SUPT5H: variants seen among roughly 807,000 people sequenced by gnomAD.
SUPT5H encodes the protein SPT5 homolog, DSIF elongation factor subunit.
SUPT5H carries 24 observed loss-of-function variants against 142.5 expected under a neutral mutation model. That is an observed-to-expected ratio of 0.17 (90% CI 0.12 to 0.24). SUPT5H has a LOEUF of 0.24. Among genes scored for constraint, SUPT5H ranks in the 10% least tolerant of loss-of-function variants. The pLI is 1.00. For missense variants in SUPT5H, 893 were observed against 1,471.8 expected, an observed-to-expected ratio of 0.61 and a Z score of 6.43; for synonymous variants, 546 against 553.0, an observed-to-expected ratio of 0.99 and a Z score of 0.18.
At chr19:39,459,730 A>C in intron 9 of SUPT5H, 141 bp downstream of exon 9, 1 of 1,300,274 alleles carries the variant, frequency 7.7e-7, no homozygotes, top group Non-Finnish European at 1.1e-6. Context: ...ACTCCACGTT[A>C]CTGACTGGCT....
At chr19:39,471,838 C>A in intron 20 of SUPT5H, 108 bp downstream of exon 20, 1 of 1,436,888 alleles carries the variant, frequency 7.0e-7, no homozygotes, top group Non-Finnish European at 9.2e-7. Context: ...ATTAGGAGAG[C>A]AGTGTCATTG....
intron 2 of SUPT5H, among the ~76,000 whole-genome samples, chr19:39,450,774 A>G (rs780263961): frequency 1.5e-4 from 23 of 152,150 alleles, no homozygotes; most frequent in Non-Finnish European, 1.8e-4. Flanking sequence ...TTTCCTTTTC[A>G]GTTGTGTGTC....
intron 13 of SUPT5H, chr19:39,467,185 C>G (rs2079252415): frequency 6.5e-6 from 1 of 153,616 alleles, no homozygotes; most frequent in East Asian, 1.9e-4. Context: ...GAGTTCAAGA[C>G]CAGCCTGGCC....
chr19:39,464,815 A>G lies in SUPT5H; in HGVS notation c.642A>G (p.Ser214=), dbSNP rs201994494. The G allele has an allele frequency of 4.8e-5, 77 of 1,611,098 alleles. No individual in the cohort carries two copies. Among genetic ancestry groups the G allele is most frequent in the East Asian group, 4.2e-4 (19 of 44,794 alleles). The change falls in exon 11 of 30, where the codon TCA becomes TCG. Residue 214 remains serine (S), a synonymous_variant. Transcript: ENST00000432763. ...CCCTGCAGCCCCTGCAGATCAAGTCAGTAGTGGCACCAGAGCATGTGAAGG... is the reference window on the plus strand; with the variant it reads ...CCCTGCAGCCCCTGCAGATCAAGTCGGTAGTGGCACCAGAGCATGTGAAGG... ...QFTDTPLQIK[S]VVAPEHVKGY...
At position 39,476,451 on chromosome 19, in the gene SUPT5H, C is replaced by T; in HGVS notation, c.*52C>T. 1 of 1,606,608 alleles carries T rather than the reference C, an allele frequency of 6.2e-7. No individual in the cohort carries two copies. The highest frequency in any genetic ancestry group is 8.5e-7 in the Non-Finnish European group (1 of 1,176,382). ...GGATGAAGAGTGATCCTCCTTCCTT[C>T]CCTGGCCCTTGGCTGTGACACAAGA... On this transcript the variant is annotated 3_prime_UTR_variant, in exon 30 of 30. Transcript: ENST00000432763.
rs767037692 is a variant in SUPT5H at position 39,458,267 on chromosome 19, A to G, written c.308-27A>G. 1 of 790,422 alleles carries G rather than the reference A, an allele frequency of 1.3e-6. No individual in the cohort carries two copies. 49.0% of individuals were successfully genotyped at this position (790,422 alleles called of 1,614,324 possible). ...CACCACCACCACCACCACCACCACC[A>G]CCACCACCTCCTCTTCCTCCAAGTA... On this transcript the variant is annotated intron_variant, in intron 4 of 29. Transcript: ENST00000432763. This position sits in a 1 kb window ranked among gnomAD's most constrained non-coding sequence, Gnocchi z 4.2.
At chr19:39,475,821 G>T in intron 28 of SUPT5H, 1 of 498,890 alleles carries the variant, frequency 2.0e-6, no homozygotes, top group Non-Finnish European at 3.6e-6. Context: ...AGGCCAGTTT[G>T]GGACATGAAG....
rs192922874 is a variant in SUPT5H, at chr19:39,458,933, A to C, written c.389+46A>C. ...TGGTGGGATTGGCTCCTGTGGGGAG[A>C]TTTGGGAGTAGGTCAGCCCACCTGC... On this transcript the variant is annotated intron_variant, in intron 6 of 29. Transcript: ENST00000432763. This position sits in a 1 kb window ranked among gnomAD's most constrained non-coding sequence, Gnocchi z 4.2. 1,997 of 1,613,548 alleles carry C rather than the reference A, an allele frequency of 1.2e-3. 19 individuals are homozygous for C. The African/African-American group carries it at 0.023, about 18-fold the overall frequency.
At position 39,466,660 on chromosome 19, in the gene SUPT5H, C is replaced by A. The variant is rs540157215; in HGVS notation, c.967-15C>A. 1 of 1,614,166 alleles carries A rather than the reference C, an allele frequency of 6.2e-7. No homozygotes were observed. Among genetic ancestry groups the A allele is most frequent in the East Asian group, 2.2e-5 (1 of 44,884 alleles). On this transcript the variant is annotated splice_polypyrimidine_tract_variant and intron_variant, in intron 12 of 29. Coordinates refer to ENST00000432763, the MANE Select transcript of SUPT5H (RefSeq NM_001111020.3). The surrounding 1 kb of genome is among the most constrained non-coding windows in gnomAD (Gnocchi z 4.3). ...CCTCCCTCACCCTTCCCACCCATGC[C>A]CCTTTCCTCCATAGAAAGACTGGTT...
At chr19:39,460,528 A>G (rs980192588) in intron 10 of SUPT5H, among the ~76,000 whole-genome samples, 7 of 152,192 alleles carry the variant, frequency 4.6e-5, no homozygotes, top group Admixed American at 2.0e-4. Context: ...ACTTGAGGTC[A>G]GGAGTTTGAG....
chr19:39,455,027 C>T (rs771851194), intron 3 of SUPT5H, among the ~76,000 whole-genome samples: 2 of 152,154 alleles, frequency 1.3e-5, no homozygotes, highest in Non-Finnish European at 2.9e-5. Context: ...CCAAGCAGTT[C>T]CTCTTTAGAA....
chr19:39,449,980 C>T (rs144019911), intron 2 of SUPT5H, among the ~76,000 whole-genome samples: 130 of 148,760 alleles, frequency 8.7e-4, no homozygotes, highest in Non-Finnish European at 1.6e-3. Context: ...CTTTGTCACC[C>T]ATGCTGGGGT....
chr19:39,454,578 G>C (rs969083249), intron 3 of SUPT5H, among the ~76,000 whole-genome samples: 16 of 152,048 alleles, frequency 1.1e-4, no homozygotes, highest in African/African-American at 3.9e-4. Context: ...CTGACCTTGT[G>C]ATCCGCCCGC....
intron 2 of SUPT5H, among the ~76,000 whole-genome samples, chr19:39,449,607 G>A (rs372839013): frequency 6.6e-6 from 1 of 151,876 alleles, no homozygotes; most frequent in Non-Finnish European, 1.5e-5. Context: ...CTGGGGGAGA[G>A]GGGGCGGGGA....
In SUPT5H at chr19:39,458,766, G is replaced by A. The variant is rs960497847; in HGVS notation, c.320-52G>A. 1.2e-5 allele frequency: 19 copies of A among 1,535,472 alleles called. No individual in the cohort carries two copies. The highest frequency in any genetic ancestry group is 1.6e-5 in the Non-Finnish European group (18 of 1,129,640). ...AGCTGCACGCTCCTATTTTCTCCAG[G>A]CCCCTGCCCTCCACCTGCCCTTGCT... On this transcript the variant is annotated intron_variant, in intron 5 of 29. Coordinates refer to ENST00000432763, the MANE Select transcript of SUPT5H (RefSeq NM_001111020.3). The surrounding 1 kb of genome is among the most constrained non-coding windows in gnomAD (Gnocchi z 4.2).
intron 3 of SUPT5H, among the ~76,000 whole-genome samples, chr19:39,456,953 G>A (rs1195038450): frequency 6.6e-6 from 1 of 152,234 alleles, no homozygotes; most frequent in African/African-American, 2.4e-5. Flanking sequence ...CTAGGGGTTA[G>A]AAATGTGAGG....
chr19:39,462,118 C>T (rs2079171272), intron 10 of SUPT5H, among the ~76,000 whole-genome samples: 1 of 152,070 alleles, frequency 6.6e-6, no homozygotes, highest in Admixed American at 6.6e-5. Flanking sequence ...CCATGTTGGC[C>T]AGCCTGGTCT....
At chr19:39,459,676 C>T in intron 9 of SUPT5H, 87 bp downstream of exon 9, 1 of 1,541,824 alleles carries the variant, frequency 6.5e-7, no homozygotes, top group South Asian at 1.1e-5. Context: ...TGTCCCGGGT[C>T]TCCGTGGCCT....
In SUPT5H at chr19:39,474,800, G is replaced by T; in HGVS notation, c.3024+82G>T. ...ACTGGAGACAGACCTGTCCCCAGAT[G>T]GTGACAGCCCAGAGTGGGCAGAGCT... On this transcript the variant is annotated intron_variant, in intron 28 of 29. Transcript: ENST00000432763. This position sits in a 1 kb window ranked among gnomAD's most constrained non-coding sequence, Gnocchi z 6.5. 1 of 1,454,202 alleles carries T rather than the reference G, an allele frequency of 6.9e-7. No individual in the cohort carries two copies. The highest frequency in any genetic ancestry group is 9.4e-7 in the Non-Finnish European group (1 of 1,068,060). The allele number at this position is 1,454,202 out of a possible 1,614,324, so 90.1% of individuals were successfully genotyped here.
Sources: gnomAD v4.1 joint callset for allele counts (sites outside exome capture counted in the v4.1 genomes callset) on GRCh38, gnomAD v4.1.1 for gene constraint, Gnocchi (gnomAD v3.1) non-coding constraint, MANE v1.5 for transcripts, NCBI Gene and HGNC (gene_info 2026-07-23, HGNC 2026-07-21) for gene names.